Variants in SMIM14 observed in about 807,000 individuals in gnomAD.
The protein encoded by SMIM14 is chromosome 4 open reading frame 34.
A neutral mutation model predicts 12.6 loss-of-function variants in SMIM14; 5 were observed. The ratio of observed to expected loss-of-function variants is 0.40; its 90% confidence interval spans 0.21 to 0.83. The LOEUF is 0.83. Ranked by LOEUF, SMIM14 falls within the 40% of genes least tolerant of loss-of-function variation. SMIM14 has a pLI of 0.37. For synonymous variants in SMIM14, 30 were observed against 40.1 expected (o/e 0.75, Z 0.95); for missense variants, 86 against 119.1 (o/e 0.72, Z 1.29).
At chr4:39,607,779 A>G (rs1560302487) in intron 1 of SMIM14, among the ~76,000 whole-genome samples, 1 of 152,214 alleles carries the variant, frequency 6.6e-6, no homozygotes, top group Admixed American at 6.6e-5. Flanking sequence ...TTTGCAAATC[A>G]TCTGTTTGAT....
intron 3 of SMIM14, among the ~76,000 whole-genome samples, chr4:39,563,577 C>T (rs2109994161): frequency 6.6e-6 from 1 of 152,342 alleles, no homozygotes; most frequent in East Asian, 1.9e-4. Context: ...CATTTGCCAA[C>T]TATGCAAATT....
intron 1 of SMIM14, among the ~76,000 whole-genome samples, chr4:39,618,662 A>AC (rs1283657704): frequency 9.9e-5 from 15 of 150,996 alleles, no homozygotes; most frequent in African/African-American, 3.4e-4. Context: ...AAAAAAAAAA[A>AC]AACAAAAAAA....
intron 1 of SMIM14, among the ~76,000 whole-genome samples, chr4:39,637,880 G>T (rs1474424301): frequency 6.6e-6 from 1 of 152,184 alleles, no homozygotes; most frequent in East Asian, 1.9e-4. Context: ...CAAACTGGAA[G>T]GTCTCTTCTG....
At chr4:39,596,106 T>C (rs1425004254) in intron 2 of SMIM14, among the ~76,000 whole-genome samples, 1 of 152,116 alleles carries the variant, frequency 6.6e-6, no homozygotes, top group African/African-American at 2.4e-5. Context: ...TTTTTCTTTC[T>C]TTCTTTGAGA....
intron 1 of SMIM14, among the ~76,000 whole-genome samples, chr4:39,607,846 A>G (rs903328315): frequency 6.6e-6 from 1 of 152,234 alleles, no homozygotes; most frequent in Admixed American, 6.5e-5. Flanking sequence ...ACAAAAGATA[A>G]GCAATTTTTA....
chr4:39,606,614 C>T (rs1714819627), intron 1 of SMIM14, among the ~76,000 whole-genome samples: 1 of 142,044 alleles, frequency 7.0e-6, no homozygotes, highest in African/African-American at 2.6e-5. Flanking sequence ...GCACTCCAGC[C>T]TGGCGACAGA....
At chr4:39,627,977 A>ATC (rs1715758696) in intron 1 of SMIM14, among the ~76,000 whole-genome samples, 1 of 152,214 alleles carries the variant, frequency 6.6e-6, no homozygotes, top group African/African-American at 2.4e-5. Flanking sequence ...GGCACATGTC[A>ATC]TCAGGACCTC....
chr4:39,600,288 C>T (rs887591652), intron 2 of SMIM14, among the ~76,000 whole-genome samples: 15 of 152,212 alleles, frequency 9.9e-5, no homozygotes, highest in African/African-American at 3.6e-4. Context: ...ATCCACCTGC[C>T]TCAGCCTCCC....
intron 1 of SMIM14, among the ~76,000 whole-genome samples, chr4:39,623,418 G>A (rs1328745408): frequency 6.6e-6 from 1 of 152,152 alleles, no homozygotes; most frequent in Non-Finnish European, 1.5e-5. Flanking sequence ...CTCTTCCTGA[G>A]AAGGCAGGGA....
At chr4:39,586,983 A>G (rs1713813978) in intron 2 of SMIM14, among the ~76,000 whole-genome samples, 1 of 151,884 alleles carries the variant, frequency 6.6e-6, no homozygotes, top group East Asian at 1.9e-4. Flanking sequence ...GTCTCTTCTA[A>G]TATGGGCACT....
intron 3 of SMIM14, among the ~76,000 whole-genome samples, chr4:39,557,015 A>ATTT (rs1173457845): frequency 7.4e-6 from 1 of 134,930 alleles, no homozygotes. Flanking sequence ...GTCTCTAACA[A>ATTT]TTTTTTTTTT....
rs368954477 is a variant in SMIM14 at position 39,578,825 on chromosome 4, GTC to G, written c.76-6364_76-6363del. ...AGCCTGGCCAAAATGGTGTAACCCT[GTC>G]TCTACTAAAAATACAACAATTAGCC... On this transcript the variant is annotated intron_variant, in intron 2 of 4. Transcript: ENST00000295958. Among the ~76,000 whole-genome samples, 691 of 151,886 alleles carry G rather than the reference GTC, an allele frequency of 4.5e-3. 5 individuals are homozygous for G. The highest frequency in any genetic ancestry group is 0.016 in the African/African-American group (656 of 41,424).
At chr4:39,620,839 T>C (rs1715459446) in intron 1 of SMIM14, among the ~76,000 whole-genome samples, 1 of 152,072 alleles carries the variant, frequency 6.6e-6, no homozygotes, top group African/African-American at 2.4e-5. Flanking sequence ...TCAAAAATGG[T>C]GTGCAAACAC....
intron 3 of SMIM14, among the ~76,000 whole-genome samples, chr4:39,559,842 C>A (rs528450904): frequency 6.6e-6 from 1 of 152,098 alleles, no homozygotes; most frequent in South Asian, 2.1e-4. Context: ...ACAGGCCGGG[C>A]GTGGCAGCTC....
At chr4:39,566,977 A>C (rs1712605176) in intron 3 of SMIM14, among the ~76,000 whole-genome samples, 1 of 151,782 alleles carries the variant, frequency 6.6e-6, no homozygotes, top group Non-Finnish European at 1.5e-5. Flanking sequence ...AAAAAAACAA[A>C]AAACAAAAAT....
intron 3 of SMIM14, among the ~76,000 whole-genome samples, chr4:39,570,128 A>C (rs981007155): frequency 1.3e-5 from 2 of 151,992 alleles, no homozygotes; most frequent in Non-Finnish European, 2.9e-5. Context: ...CACATTAATA[A>C]ATTTGCTTTT....
chr4:39,600,057 C>A (rs555402901), intron 2 of SMIM14, among the ~76,000 whole-genome samples: 2 of 152,024 alleles, frequency 1.3e-5, no homozygotes, highest in South Asian at 4.2e-4. Context: ...TTTAAAATGC[C>A]TATTAGTTTC....
At chr4:39,567,085 G>A (rs1424456710) in intron 3 of SMIM14, among the ~76,000 whole-genome samples, 1 of 137,338 alleles carries the variant, frequency 7.3e-6, no homozygotes, top group African/African-American at 2.8e-5. Context: ...GTAGTAAGCC[G>A]AGATTGCGCC....
chr4:39,611,303 C>T (rs1449043298), intron 1 of SMIM14, among the ~76,000 whole-genome samples: 5 of 152,138 alleles, frequency 3.3e-5, no homozygotes, highest in African/African-American at 1.2e-4. Flanking sequence ...GTCAGGAGTT[C>T]GAGACCAGCC....
Sources: gnomAD v4.1 joint callset for allele counts (sites outside exome capture counted in the v4.1 genomes callset) on GRCh38, gnomAD v4.1.1 for gene constraint, MANE v1.5 for transcripts, NCBI Gene and HGNC (gene_info 2026-07-23, HGNC 2026-07-21) for gene names.